The following CAAP1 variants were observed in gnomAD, a reference collection of about 807,000 sequenced individuals.
The protein encoded by CAAP1 is caspase activity and apoptosis inhibitor 1.
CAAP1 carries 20 observed loss-of-function variants against 34.0 expected under a neutral mutation model. That is an observed-to-expected ratio of 0.59 (90% CI 0.41 to 0.86). The LOEUF (loss-of-function observed/expected upper bound fraction) is 0.86, where lower values mean the gene tolerates loss of function less well. Ranked by LOEUF, CAAP1 falls within the 40% of genes least tolerant of loss-of-function variation. The pLI, the probability that CAAP1 is intolerant of heterozygous loss-of-function variation, is 0.00. For synonymous variants in CAAP1, 213 were observed against 166.7 expected, an observed-to-expected ratio of 1.28 and a Z score of -2.14; for missense variants, 538 against 450.5, an observed-to-expected ratio of 1.19 and a Z score of -1.76.
intron 2 of CAAP1, among the ~76,000 whole-genome samples, chr9:26,886,494 G>C (rs1823742183): frequency 6.6e-6 from 1 of 152,090 alleles, no homozygotes; most frequent in Non-Finnish European, 1.5e-5. Context: ...TATTCTAAAG[G>C]TTTAAATATT....
intron 4 of CAAP1, among the ~76,000 whole-genome samples, chr9:26,879,576 T>C (rs1823533502): frequency 6.6e-6 from 1 of 152,122 alleles, no homozygotes; most frequent in Admixed American, 6.5e-5. Flanking sequence ...CCAAAGGAGA[T>C]TAACATTTGA....
chr9:26,887,039 C>T (rs1823762419), intron 2 of CAAP1, among the ~76,000 whole-genome samples: 1 of 152,112 alleles, frequency 6.6e-6, no homozygotes. Flanking sequence ...CACGGTGAAA[C>T]CCCGTCTCTT....
intron 5 of CAAP1, among the ~76,000 whole-genome samples, chr9:26,845,537 G>A (rs1001746210): frequency 6.6e-6 from 1 of 151,998 alleles, no homozygotes; most frequent in Admixed American, 6.6e-5. Flanking sequence ...CACCACACCC[G>A]GCTAATTTTT....
chr9:26,840,987 G>T lies in CAAP1; in HGVS notation c.*1314C>A, dbSNP rs1039801418. The stretch of plus-strand genomic sequence containing the variant: ...TTTATTAGAAAGATTTATGGAGGGG[G>T]AAAAAATGGTAGAATTATTCCAAGG... On this transcript the variant is annotated 3_prime_UTR_variant, in exon 6 of 6. Coordinates refer to ENST00000333916, the MANE Select transcript of CAAP1 (RefSeq NM_024828.4). The T allele has an allele frequency of 6.6e-6, 1 of 152,100 alleles. No individual in the cohort carries two copies. Among genetic ancestry groups the T allele is most frequent in the African/African-American group, 2.4e-5 (1 of 41,530 alleles). 9.4% of individuals were successfully genotyped at this position (152,100 alleles called of 1,614,324 possible).
At chr9:26,860,698 A>G (rs1299298597) in intron 5 of CAAP1, among the ~76,000 whole-genome samples, 1 of 151,334 alleles carries the variant, frequency 6.6e-6, no homozygotes, top group Non-Finnish European at 1.5e-5. Context: ...AGGCTGAGGC[A>G]GGAGAATGGC....
intron 1 of CAAP1, 99 bp downstream of exon 1, chr9:26,892,314 C>CT: frequency 1.9e-6 from 3 of 1,546,720 alleles, no homozygotes; most frequent in Non-Finnish European, 2.6e-6. Context: ...GATTGCCGCG[C>CT]TAGCAGTGAG....
chr9:26,883,934 C>T (rs1002404523), intron 4 of CAAP1, among the ~76,000 whole-genome samples: 5 of 152,080 alleles, frequency 3.3e-5, no homozygotes, highest in African/African-American at 1.2e-4. Flanking sequence ...ATATAAATTA[C>T]CCTATAACAC....
chr9:26,868,983 TAA>T (rs1181925588), intron 4 of CAAP1, among the ~76,000 whole-genome samples: 3 of 152,190 alleles, frequency 2.0e-5, no homozygotes, highest in African/African-American at 4.8e-5. Flanking sequence ...CTAATTACGT[TAA>T]GTGTTATAAA....
chr9:26,876,390 T>C (rs923015366), intron 4 of CAAP1, among the ~76,000 whole-genome samples: 1 of 152,084 alleles, frequency 6.6e-6, no homozygotes, highest in Admixed American at 6.5e-5. Context: ...AAAGTACATA[T>C]TCACAGATTC....
chr9:26,875,316 G>A (rs1823400944), intron 4 of CAAP1, among the ~76,000 whole-genome samples: 1 of 152,108 alleles, frequency 6.6e-6, no homozygotes, highest in Non-Finnish European at 1.5e-5. Context: ...AATCTGGGAG[G>A]TGGAGGCTGC....
chr9:26,856,794 C>A (rs1822879751), intron 5 of CAAP1, among the ~76,000 whole-genome samples: 1 of 152,144 alleles, frequency 6.6e-6, no homozygotes, highest in African/African-American at 2.4e-5. Flanking sequence ...TATTTTACAG[C>A]AACTATAAAC....
intron 4 of CAAP1, among the ~76,000 whole-genome samples, chr9:26,876,478 T>G (rs1043410389): frequency 5.3e-5 from 8 of 151,840 alleles, no homozygotes; most frequent in African/African-American, 1.9e-4. Flanking sequence ...GAAGGTTTTT[T>G]TTTTTTTTTT....
chr9:26,868,813 C>T (rs148892877), intron 4 of CAAP1, among the ~76,000 whole-genome samples: 10 of 152,212 alleles, frequency 6.6e-5, no homozygotes, highest in East Asian at 5.8e-4. Context: ...GGAAGGTGGA[C>T]GCAGTTTTAC....
intron 1 of CAAP1, among the ~76,000 whole-genome samples, chr9:26,892,092 C>T (rs1026992326): frequency 6.6e-6 from 1 of 151,920 alleles, no homozygotes; most frequent in Non-Finnish European, 1.5e-5. Context: ...GTGTTTGGCT[C>T]GCAAGGGAAA....
chr9:26,853,198 G>A (rs989145592), intron 5 of CAAP1, among the ~76,000 whole-genome samples: 1 of 152,174 alleles, frequency 6.6e-6, no homozygotes, highest in African/African-American at 2.4e-5. Flanking sequence ...GGATCAGGAT[G>A]GAGATGAAGG....
intron 4 of CAAP1, among the ~76,000 whole-genome samples, chr9:26,878,387 T>C (rs1008678252): frequency 3.3e-5 from 5 of 152,138 alleles, no homozygotes; most frequent in African/African-American, 1.2e-4. Context: ...GTTTAGTAGC[T>C]ACTCCAAAAC....
chr9:26,871,478 G>A (rs949110037), intron 4 of CAAP1, among the ~76,000 whole-genome samples: 34 of 151,820 alleles, frequency 2.2e-4, no homozygotes, highest in African/African-American at 8.0e-4. Flanking sequence ...TCAGGAGGCT[G>A]AGGCAGGATA....
intron 5 of CAAP1, 47 bp from the exon 6 acceptor site, chr9:26,842,694 G>A (rs758996744): frequency 1.4e-6 from 2 of 1,432,818 alleles, no homozygotes; most frequent in Non-Finnish European, 1.9e-6. Context: ...AATACCATGG[G>A]TCACAATTTC....
intron 4 of CAAP1, among the ~76,000 whole-genome samples, chr9:26,876,435 G>C (rs189486111): frequency 6.6e-6 from 1 of 151,450 alleles, no homozygotes; most frequent in Admixed American, 6.6e-5. Context: ...TTGGGTGAGG[G>C]GGAGGTCATT....
Sources: allele counts gnomAD v4.1 joint callset (sites outside exome capture counted in the v4.1 genomes callset), GRCh38; gene constraint gnomAD v4.1.1; transcripts MANE v1.5; gene names NCBI Gene and HGNC (gene_info 2026-07-23, HGNC 2026-07-21).